CDH23: variants seen among roughly 807,000 people sequenced by gnomAD.
CDH23 encodes the protein cadherin-23.
A neutral mutation model predicts 317.1 loss-of-function variants in CDH23; 189 were observed. The ratio of observed to expected loss-of-function variants is 0.60; its 90% CI spans 0.53 to 0.67. The LOEUF (loss-of-function observed/expected upper bound fraction) is 0.67, where lower values mean the gene tolerates loss of function less well. CDH23 is among the 30% of genes least tolerant of loss of function. The probability of loss-of-function intolerance (pLI) is 0.00; values close to 1 mark genes in which losing one functional copy is unlikely to be tolerated. For missense variants in CDH23, 4,401 were observed against 4,592.4 expected, an observed-to-expected ratio of 0.96 and a Z score of 1.20; for synonymous variants, 1,839 against 1,876.8, an observed-to-expected ratio of 0.98 and a Z score of 0.52.
At chr10:71,515,394 T>TCTCTCTCTCACA (rs1491490493) in intron 6 of CDH23, among the ~76,000 whole-genome samples, 29 of 26,696 alleles carry the variant, frequency 1.1e-3, no homozygotes, top group African/African-American at 2.4e-3. Context: ...TCTCTCTCTC[T>TCTCTCTCTCACA]CACACACACA....
At chr10:71,518,168 TA>T (rs552064900) in intron 6 of CDH23, among the ~76,000 whole-genome samples, 1 of 152,248 alleles carries the variant, frequency 6.6e-6, no homozygotes, top group South Asian at 2.1e-4. Flanking sequence ...CTCTGTAAGT[TA>T]GGGGGGAATT....
intron 38 of CDH23, among the ~76,000 whole-genome samples, chr10:71,767,445 T>C (rs1428546023): frequency 6.6e-6 from 1 of 152,192 alleles, no homozygotes; most frequent in South Asian, 2.1e-4. Flanking sequence ...AATTGCCTGC[T>C]GTGGCTGGCC....
At chr10:71,479,445 G>C (rs887682598) in intron 3 of CDH23, among the ~76,000 whole-genome samples, 1 of 152,272 alleles carries the variant, frequency 6.6e-6, no homozygotes, top group African/African-American at 2.4e-5. Context: ...AAGGGACTGC[G>C]GCCAAGGTGA....
intron 41 of CDH23, among the ~76,000 whole-genome samples, chr10:71,782,195 G>A (rs768258855): frequency 5.3e-5 from 8 of 152,204 alleles, no homozygotes; most frequent in Non-Finnish European, 1.0e-4. Flanking sequence ...CAGGCCACAT[G>A]CACTTGAGCC....
chr10:71,563,228 G>A (rs1857221227), intron 6 of CDH23, among the ~76,000 whole-genome samples: 1 of 152,150 alleles, frequency 6.6e-6, no homozygotes, highest in Admixed American at 6.5e-5. Flanking sequence ...TTTCACATCT[G>A]TAGTCCACCC....
intron 3 of CDH23, among the ~76,000 whole-genome samples, chr10:71,467,758 G>C (rs1851322547): frequency 6.6e-6 from 1 of 152,186 alleles, no homozygotes; most frequent in South Asian, 2.1e-4. Context: ...GCTTAGACTA[G>C]TGCCTGGCAC....
At chr10:71,525,795 A>G (rs1378949902) in intron 6 of CDH23, among the ~76,000 whole-genome samples, 1 of 150,532 alleles carries the variant, frequency 6.6e-6, no homozygotes, top group African/African-American at 2.5e-5. Context: ...GCAGCAGCCC[A>G]GAAACCAGAG....
intron 3 of CDH23, among the ~76,000 whole-genome samples, chr10:71,474,925 G>C (rs1851710590): frequency 6.6e-6 from 1 of 152,226 alleles, no homozygotes. Context: ...TCTGTAAAAT[G>C]GGGCCATTGG....
chr10:71,784,186 T>A, intron 41 of CDH23, 101 bp from the exon 42 acceptor site: 1 of 1,340,056 alleles, frequency 7.5e-7, no homozygotes, highest in Non-Finnish European at 1.0e-6. Context: ...GTCCCCCACC[T>A]GTGACGAGTG....
In CDH23 at chr10:71,679,589, G is replaced by T. The variant is rs1864527634; in HGVS notation, c.1858+97G>T. ...TGTGGGGATGAGGCGGGCACTCCTTGTCTCCCTGACACTCTGGGCTACTCA... is the reference window on the plus strand; with the variant it reads ...TGTGGGGATGAGGCGGGCACTCCTTTTCTCCCTGACACTCTGGGCTACTCA... On this transcript the variant is annotated intron_variant, in intron 17 of 69. Transcript: ENST00000224721. 4 of 973,144 alleles carry T rather than the reference G, an allele frequency of 4.1e-6. No homozygotes were observed. The East Asian group carries it at 7.9e-5, about 19-fold the overall frequency. 60.3% of individuals were successfully genotyped at this position (973,144 alleles called of 1,614,324 possible). A position where few individuals can be genotyped will look rare whatever the true frequency, so the allele number is the denominator to read the frequency against.
At chr10:71,684,500 C>T (rs528818197) in intron 18 of CDH23, among the ~76,000 whole-genome samples, 135 of 152,312 alleles carry the variant, frequency 8.9e-4, no homozygotes, top group African/African-American at 3.2e-3. Flanking sequence ...GCTGTGGAGG[C>T]ACATGGGTTT....
chr10:71,473,549 C>G (rs1168005883), intron 3 of CDH23, among the ~76,000 whole-genome samples: 1 of 152,148 alleles, frequency 6.6e-6, no homozygotes, highest in Admixed American at 6.5e-5. Flanking sequence ...GCTGCCTGGG[C>G]CCAAATCCTG....
At chr10:71,460,423 C>T (rs568528217) in intron 3 of CDH23, among the ~76,000 whole-genome samples, 76 of 152,362 alleles carry the variant, frequency 5.0e-4, no homozygotes, top group Admixed American at 8.5e-4. Flanking sequence ...CTGTGTGCGG[C>T]GGGAACCCGC....
chr10:71,646,130 G>T, intron 13 of CDH23, 150 bp downstream of exon 13: 1 of 1,062,584 alleles, frequency 9.4e-7, no homozygotes. Flanking sequence ...TCCAAGAGAC[G>T]GCAGGGGCCG....
At chr10:71,673,975 C>A (rs916413525) in intron 14 of CDH23, among the ~76,000 whole-genome samples, 1 of 152,120 alleles carries the variant, frequency 6.6e-6, no homozygotes, top group African/African-American at 2.4e-5. Context: ...CTGAGCCTGG[C>A]TGGGGTGGTG....
intron 6 of CDH23, among the ~76,000 whole-genome samples, chr10:71,543,784 C>G (rs1215194256): frequency 6.6e-6 from 1 of 152,194 alleles, no homozygotes; most frequent in African/African-American, 2.4e-5. Context: ...GCCACCCCAC[C>G]CCATGTGGGG....
intron 6 of CDH23, among the ~76,000 whole-genome samples, chr10:71,555,871 T>C (rs1856848083): frequency 6.6e-6 from 1 of 152,128 alleles, no homozygotes; most frequent in Non-Finnish European, 1.5e-5. Context: ...ATGTCCAGCA[T>C]GTGTGCATGG....
chr10:71,653,926 T>C (rs944416142), intron 14 of CDH23, among the ~76,000 whole-genome samples: 1 of 152,084 alleles, frequency 6.6e-6, no homozygotes, highest in East Asian at 1.9e-4. Context: ...TCAGAGAGCA[T>C]TGGTATTTAA....
At chr10:71,556,848 T>G (rs2132330614) in intron 6 of CDH23, among the ~76,000 whole-genome samples, 1 of 152,324 alleles carries the variant, frequency 6.6e-6, no homozygotes, top group Admixed American at 6.5e-5. Flanking sequence ...ATACATTGTT[T>G]TAGTTTTGAA....
Sources: gnomAD v4.1 joint callset for allele counts (sites outside exome capture counted in the v4.1 genomes callset) on GRCh38, gnomAD v4.1.1 for gene constraint, MANE v1.5 for transcripts, NCBI Gene and HGNC (gene_info 2026-07-23, HGNC 2026-07-21) for gene names.